PGC: variants seen among roughly 807,000 people sequenced by gnomAD.
The protein encoded by PGC is progastricsin.
PGC carries 31 observed loss-of-function variants against 45.9 expected under a neutral mutation model. That is an observed-to-expected ratio of 0.67 (90% CI 0.51 to 0.91). The LOEUF is 0.91. PGC is among the 40% of genes least tolerant of loss of function. The pLI, the probability that PGC is intolerant of heterozygous loss-of-function variation, is 0.00. For missense variants in PGC, 477 were observed against 493.2 expected (o/e 0.97, Z 0.31); for synonymous variants, 192 against 201.8 (o/e 0.95, Z 0.41).
At chr6:41,738,207 T>TATATATAC in intron 7 of PGC, among the ~76,000 whole-genome samples, 1 of 18,348 alleles carries the variant, frequency 5.5e-5, no homozygotes, top group Non-Finnish European at 2.4e-4. Context: ...TATATGCATA[T>TATATATAC]ATATATGCAT....
In PGC at chr6:41,744,368, C is replaced by T. The variant is rs1220490134; in HGVS notation, c.328+29G>A. On this transcript the variant is annotated intron_variant, in intron 3 of 8. Transcript: ENST00000373025. The surrounding 1 kb of genome is among the most constrained non-coding windows in gnomAD (Gnocchi z 4.4). ...GGTATCAGTGCCTTGCCCTGCCAAC[C>T]ACCCCTCTCTGCCCAGCCCAGCACT... 6.6e-7 allele frequency: 1 copy of T among 1,517,226 alleles called. No homozygotes were observed. Among genetic ancestry groups the T allele is most frequent in the Non-Finnish European group, 9.1e-7 (1 of 1,101,152 alleles). The allele number at this position is 1,517,226 out of a possible 1,614,324, so 94.0% of individuals were successfully genotyped here.
Position 41,744,366 on chromosome 6 carries a change from A to G in PGC, c.328+31T>C. On this transcript the variant is annotated intron_variant, in intron 3 of 8. Coordinates refer to ENST00000373025, the MANE Select transcript of PGC (RefSeq NM_002630.4). The surrounding 1 kb of genome is among the most constrained non-coding windows in gnomAD (Gnocchi z 4.4). ...AGGGTATCAGTGCCTTGCCCTGCCA[A>G]CCACCCCTCTCTGCCCAGCCCAGCA... The G allele has an allele frequency of 6.6e-7, 1 of 1,509,768 alleles. No homozygotes were observed. The allele number at this position is 1,509,768 out of a possible 1,614,324, so 93.5% of individuals were successfully genotyped here.
chr6:41,742,228 A>G lies in PGC; in HGVS notation c.647+62T>C, dbSNP rs553294851. 77 of 1,459,876 alleles carry G rather than the reference A, an allele frequency of 5.3e-5. No homozygotes were observed. The East Asian group carries it at 1.6e-3, about 31-fold the overall frequency. 90.4% of individuals were successfully genotyped at this position (1,459,876 alleles called of 1,614,324 possible). On this transcript the variant is annotated intron_variant, in intron 5 of 8. Coordinates refer to ENST00000373025, the MANE Select transcript of PGC (RefSeq NM_002630.4). ...CCCAAAGCATTGAGCACTGAGCCTCAGTCGTCCAGGGCGGCCGGGGGAGCA... is the reference window on the plus strand; with the variant it reads ...CCCAAAGCATTGAGCACTGAGCCTCGGTCGTCCAGGGCGGCCGGGGGAGCA...
chr6:41,741,058 C>T (rs1226087457), intron 5 of PGC: 27 of 1,537,090 alleles, frequency 1.8e-5, no homozygotes, highest in African/African-American at 8.2e-5. Context: ...CTCTCCCCTC[C>T]GCTTCCTGCC....
intron 3 of PGC, among the ~76,000 whole-genome samples, chr6:41,743,629 CT>C (rs905486055): frequency 6.6e-6 from 1 of 152,212 alleles, no homozygotes; most frequent in Non-Finnish European, 1.5e-5. Context: ...TGTGGCCTCC[CT>C]GTGGACAGGT....
Position 41,744,071 on chromosome 6 carries a change from A to G in PGC, c.328+326T>C, listed in dbSNP as rs796646645. On this transcript the variant is annotated intron_variant, in intron 3 of 8. Transcript: ENST00000373025. This position sits in a 1 kb window ranked among gnomAD's most constrained non-coding sequence, Gnocchi z 4.4. ...ATGGAGTGGGATGGAGTGGGATGGA[A>G]TGGACTGGAAATTAGTCACATGGAA... Among the ~76,000 whole-genome samples the G allele has an allele frequency of 1.1e-4, 16 of 151,332 alleles. No homozygotes were observed. Among genetic ancestry groups the G allele is most frequent in the African/African-American group, 2.0e-4 (8 of 40,660 alleles).
intron 1 of PGC, among the ~76,000 whole-genome samples, chr6:41,745,227 C>T (rs1771909521): frequency 7.4e-6 from 1 of 134,294 alleles, no homozygotes; most frequent in South Asian, 2.4e-4. Context: ...AGGCTTTACC[C>T]TTTTCAGGAT....
Position 41,743,377 on chromosome 6 carries a change from C to T in PGC, c.341G>A (p.Arg114His), listed in dbSNP as rs1422301023. The T allele has an allele frequency of 3.7e-6, 6 of 1,611,786 alleles. No homozygotes were observed. Among genetic ancestry groups the T allele is most frequent in the Non-Finnish European group, 5.1e-6 (6 of 1,178,048 alleles). The change falls in exon 4 of 9, where the codon CGC (arginine) becomes CAC (histidine). Residue 114 changes from arginine (R) to histidine (H), a missense_variant. Transcript: ENST00000373025. ...GGTGGACGACTCGCTGGGGTTGAAG[C>T]GGGAGTGACTGGCTGCAGGGGAGTC... is the stretch of plus-strand genomic sequence containing the variant. ...CQSQACTSHS[R>H]FNPSESSTYS...
chr6:41,745,446 G>T (rs1771913278), intron 1 of PGC, among the ~76,000 whole-genome samples: 1 of 151,738 alleles, frequency 6.6e-6, no homozygotes. Flanking sequence ...CACTATGTTG[G>T]CCAGGCTGGT....
chr6:41,745,236 A>T (rs1771909732), intron 1 of PGC, among the ~76,000 whole-genome samples: 1 of 93,404 alleles, frequency 1.1e-5, no homozygotes, highest in Non-Finnish European at 2.2e-5. Context: ...CCTTTTCAGG[A>T]TATGTACTTT....
At position 41,744,615 on chromosome 6, in the gene PGC, C is replaced by A; in HGVS notation, c.210+43G>T. 1 of 1,609,002 alleles carries A rather than the reference C, an allele frequency of 6.2e-7. No individual in the cohort carries two copies. The highest frequency in any genetic ancestry group is 8.5e-7 in the Non-Finnish European group (1 of 1,176,024). ...AGGGACCTGCCCCTTCCCTCCAGCC[C>A]ACACCAGAGAGAAGGCTACCGCCAG... On this transcript the variant is annotated intron_variant, in intron 2 of 8. Coordinates refer to ENST00000373025, the MANE Select transcript of PGC (RefSeq NM_002630.4). This position sits in a 1 kb window ranked among gnomAD's most constrained non-coding sequence, Gnocchi z 4.4.
chr6:41,740,918 C>A, intron 5 of PGC: 1 of 1,461,086 alleles, frequency 6.8e-7, no homozygotes, highest in Non-Finnish European at 9.0e-7. Context: ...TCCCTGGGGA[C>A]TGGGATGCGT....
chr6:41,738,970 A>C (rs1034872894), intron 7 of PGC, among the ~76,000 whole-genome samples: 1 of 151,686 alleles, frequency 6.6e-6, no homozygotes, highest in African/African-American at 2.4e-5. Context: ...AAAAAAACAA[A>C]AACAAAAAAC....
intron 1 of PGC, among the ~76,000 whole-genome samples, chr6:41,745,557 T>G (rs1443623285): frequency 2.7e-5 from 4 of 150,388 alleles, no homozygotes; most frequent in Non-Finnish European, 5.9e-5. Context: ...TAGTTTTTTT[T>G]TTTTTTTTTG....
intron 5 of PGC, 152 bp downstream of exon 5, chr6:41,742,138 C>T: frequency 2.8e-6 from 2 of 722,982 alleles, no homozygotes; most frequent in Non-Finnish European, 4.7e-6. Context: ...CGAGAGGAAG[C>T]CCAGGAAGGA....
rs369930933 is a variant in PGC at position 41,736,800 on chromosome 6, G to A, written c.*52C>T. 5.9e-5 allele frequency: 94 copies of A among 1,592,054 alleles called. No individual in the cohort carries two copies. The highest frequency in any genetic ancestry group is 5.6e-5 in the Non-Finnish European group (65 of 1,160,264). ...TGGAAAGACAGATACAATGCCCTAG[G>A]AGGGTGCAGGGTCAAGAGGAAGAGG... is the stretch of plus-strand genomic sequence containing the variant. On this transcript the variant is annotated 3_prime_UTR_variant, in exon 9 of 9. Transcript: ENST00000373025.
In PGC at chr6:41,744,715, A is replaced by G. The variant is rs1222624500; in HGVS notation, c.153T>C (p.Ala51=). The change falls in exon 2 of 9, where the codon GCT becomes GCC. Residue 51 remains alanine (A), a synonymous_variant. Transcript: ENST00000373025. The surrounding 1 kb of genome is among the most constrained non-coding windows in gnomAD (Gnocchi z 4.4). ...TGAGGTCACCAAAGCGGTACTTCCA[A>G]GCAGGATCATACTTGTGGGTCCTCA... is the stretch of plus-strand genomic sequence containing the variant. ...EFLRTHKYDP[A]WKYRFGDLSV... The G allele has an allele frequency of 6.2e-7, 1 of 1,614,154 alleles. No homozygotes were observed. The highest frequency in any genetic ancestry group is 2.2e-5 in the East Asian group (1 of 44,872).
chr6:41,742,181 G>T, intron 5 of PGC, 109 bp downstream of exon 5: 1 of 971,446 alleles, frequency 1.0e-6, no homozygotes, highest in Non-Finnish European at 1.6e-6. Context: ...GGAGCCAGAT[G>T]CCCGCTGGGA....
intron 8 of PGC, 22 bp from the exon 9 acceptor site, chr6:41,737,026 C>T: frequency 6.2e-7 from 1 of 1,606,182 alleles, no homozygotes; most frequent in Non-Finnish European, 8.5e-7. Flanking sequence ...AGAAAGGCAG[C>T]ACTCATTCAT....
Sources: gnomAD v4.1 joint callset for allele counts (sites outside exome capture counted in the v4.1 genomes callset) on GRCh38, gnomAD v4.1.1 for gene constraint, Gnocchi (gnomAD v3.1) non-coding constraint, MANE v1.5 for transcripts, NCBI Gene and HGNC (gene_info 2026-07-23, HGNC 2026-07-21) for gene names.